The following MEIKIN variants were observed in gnomAD, a reference collection of about 807,000 sequenced individuals.
MEIKIN encodes the protein meiosis-specific kinetochore protein.
intron 9 of MEIKIN, among the ~76,000 whole-genome samples, chr5:131,869,805 T>C (rs559369146): frequency 2.0e-5 from 3 of 152,342 alleles, no homozygotes; most frequent in South Asian, 4.1e-4. Context: ...TAGGTTTTCC[T>C]ACCCTGGCAA....
At chr5:131,835,179 TG>T (rs1392092378) in intron 11 of MEIKIN, among the ~76,000 whole-genome samples, 1 of 151,532 alleles carries the variant, frequency 6.6e-6, no homozygotes, top group Non-Finnish European at 1.5e-5. Context: ...TATATATATG[TG>T]TATATATATG....
At chr5:131,873,558 T>C (rs1054368883) in intron 9 of MEIKIN, among the ~76,000 whole-genome samples, 17 of 152,200 alleles carry the variant, frequency 1.1e-4, no homozygotes, top group African/African-American at 4.1e-4. Flanking sequence ...TGGGAGACTT[T>C]AACACCCCAC....
chr5:131,846,552 T>C (rs1403999478), intron 11 of MEIKIN, among the ~76,000 whole-genome samples: 1 of 152,210 alleles, frequency 6.6e-6, no homozygotes, highest in Non-Finnish European at 1.5e-5. Flanking sequence ...AAAAGTATTA[T>C]TGACTGGGCA....
At chr5:131,846,852 T>C (rs1487205901) in intron 11 of MEIKIN, among the ~76,000 whole-genome samples, 1 of 148,062 alleles carries the variant, frequency 6.8e-6, no homozygotes, top group East Asian at 2.0e-4. Flanking sequence ...TTAAGGCACA[T>C]GATGTATAAA....
intron 8 of MEIKIN, among the ~76,000 whole-genome samples, chr5:131,902,410 G>A (rs1034472302): frequency 9.2e-5 from 14 of 152,032 alleles, no homozygotes; most frequent in African/African-American, 3.4e-4. Context: ...TCTAGCCTGG[G>A]TGACAGAGTG....
intron 5 of MEIKIN, among the ~76,000 whole-genome samples, chr5:131,925,701 C>T (rs1277188727): frequency 6.6e-6 from 1 of 151,980 alleles, no homozygotes; most frequent in Non-Finnish European, 1.5e-5. Context: ...CAGAGTCTTG[C>T]TCTGTCACTC....
rs1266910609 is a variant in MEIKIN, at chr5:131,858,518, C to A, written c.775-3684G>T. Among the ~76,000 whole-genome samples, 4 of 152,084 alleles carry A rather than the reference C, an allele frequency of 2.6e-5. No homozygotes were observed. In the South Asian group the frequency reaches 6.2e-4, roughly 24 times the overall value. ...AACAAAATACCATTCTGAACATAGA[C>A]CCTGGCAAAGATTTCATGAGGAAGA... On this transcript the variant is annotated intron_variant, in intron 9 of 12. Transcript: ENST00000442687.
At chr5:131,857,506 C>A (rs1277818014) in intron 9 of MEIKIN, among the ~76,000 whole-genome samples, 1 of 152,144 alleles carries the variant, frequency 6.6e-6, no homozygotes, top group African/African-American at 2.4e-5. Flanking sequence ...TGAGTGTCCT[C>A]ATCTGCCAGC....
chr5:131,873,774 C>T lies in MEIKIN; in HGVS notation c.774+5204G>A, dbSNP rs55748662. Among the ~76,000 whole-genome samples the T allele has an allele frequency of 9.9e-5, 15 of 152,244 alleles. No homozygotes were observed. In the South Asian group the frequency reaches 2.5e-3, roughly 25 times the overall value. On this transcript the variant is annotated intron_variant, in intron 9 of 12. Coordinates refer to ENST00000442687, the MANE Select transcript of MEIKIN (RefSeq NM_001303622.2). ...GCACTCCTCAGCAAATGTAAAAGAACAGAAATTATAACAAACTGTCTCTCA... is the reference window on the plus strand; with the variant it reads ...GCACTCCTCAGCAAATGTAAAAGAATAGAAATTATAACAAACTGTCTCTCA...
intron 11 of MEIKIN, among the ~76,000 whole-genome samples, chr5:131,846,322 T>C (rs1750022486): frequency 6.6e-6 from 1 of 152,048 alleles, no homozygotes; most frequent in African/African-American, 2.4e-5. Context: ...TACCTTGAAG[T>C]TGTATGAAGA....
intron 10 of MEIKIN, among the ~76,000 whole-genome samples, chr5:131,851,976 T>C (rs915195138): frequency 1.3e-5 from 2 of 152,218 alleles, no homozygotes; most frequent in Non-Finnish European, 2.9e-5. Flanking sequence ...ACTGAAAACA[T>C]GTTTAACAAA....
intron 8 of MEIKIN, among the ~76,000 whole-genome samples, chr5:131,904,225 CA>C (rs1402244771): frequency 6.6e-6 from 1 of 152,102 alleles, no homozygotes; most frequent in South Asian, 2.1e-4. Context: ...AATAATGGGA[CA>C]TTTAAACACC....
At chr5:131,876,305 A>C (rs1750612049) in intron 9 of MEIKIN, among the ~76,000 whole-genome samples, 1 of 151,884 alleles carries the variant, frequency 6.6e-6, no homozygotes, top group Admixed American at 6.6e-5. Flanking sequence ...ACAAGAAAAA[A>C]ACAAACAACC....
chr5:131,853,551 T>C (rs1450625737), intron 10 of MEIKIN, among the ~76,000 whole-genome samples: 6 of 152,198 alleles, frequency 3.9e-5, no homozygotes, highest in African/African-American at 1.4e-4. Context: ...CAAAGGACAC[T>C]ATCAACAGAG....
intron 4 of MEIKIN, among the ~76,000 whole-genome samples, chr5:131,941,138 CTTCCTTTT>C: frequency 8.6e-6 from 1 of 116,532 alleles, no homozygotes; most frequent in East Asian, 2.5e-4. Context: ...TTCAAGATCT[CTTCCTTTT>C]TTTTTTTTTT....
At chr5:131,920,311 A>G (rs1328658737) in intron 6 of MEIKIN, among the ~76,000 whole-genome samples, 1 of 152,224 alleles carries the variant, frequency 6.6e-6, no homozygotes, top group East Asian at 1.9e-4. Context: ...TTTACAGTAA[A>G]ATTCCAATTA....
intron 4 of MEIKIN, among the ~76,000 whole-genome samples, chr5:131,934,516 A>G (rs1314837935): frequency 2.0e-5 from 3 of 152,154 alleles, no homozygotes; most frequent in Admixed American, 6.5e-5. Flanking sequence ...GTATCCATAT[A>G]AAAAAACAAA....
At chr5:131,935,292 AAG>A (rs1327880280) in intron 4 of MEIKIN, among the ~76,000 whole-genome samples, 49 of 150,758 alleles carry the variant, frequency 3.3e-4, no homozygotes, top group Non-Finnish European at 6.1e-4. Context: ...AAAAAAAAGA[AAG>A]AAAGAAAAAC....
At chr5:131,870,553 T>C (rs1177647318) in intron 9 of MEIKIN, among the ~76,000 whole-genome samples, 3 of 152,200 alleles carry the variant, frequency 2.0e-5, no homozygotes, top group Non-Finnish European at 4.4e-5. Flanking sequence ...GACCTCCAGA[T>C]TGATAGCCAA....
Sources: gnomAD v4.1 joint callset for allele counts (sites outside exome capture counted in the v4.1 genomes callset) on GRCh38, gnomAD v4.1.1 for gene constraint, MANE v1.5 for transcripts, NCBI Gene and HGNC (gene_info 2026-07-23, HGNC 2026-07-21) for gene names.